OR4K1: variants seen among roughly 807,000 people sequenced by gnomAD.
The protein encoded by OR4K1 is olfactory receptor 4K1.
Under a neutral mutation model 14.4 loss-of-function variants are expected in OR4K1, and 16 were observed. The ratio of observed to expected loss-of-function variants is 1.11; its 90% CI spans 0.75 to 1.68. The LOEUF (loss-of-function observed/expected upper bound fraction) is 1.68. OR4K1 is among the 40% of genes most tolerant of loss of function. The pLI is 0.00. For synonymous variants in OR4K1, 181 were observed against 133.1 expected (o/e 1.36, Z -2.48); for missense variants, 548 against 376.9 (o/e 1.45, Z -3.76).
At position 19,936,224 on chromosome 14, in the gene OR4K1, G is replaced by A; in HGVS notation, c.558G>A (p.Glu186=). The change falls in exon 2 of 2, where the codon GAG becomes GAA. Residue 186 remains glutamate (E), a synonymous_variant. Transcript: ENST00000641172. ...SFFCDLPLVI[E]LACMDTYEME... The stretch of plus-strand genomic sequence containing the variant: ...TTTGTGACCTTCCCTTGGTGATAGA[G>A]CTGGCTTGCATGGATACATATGAAA... 6.2e-7 allele frequency: 1 copy of A among 1,614,258 alleles called. No homozygotes were observed.
upstream of OR4K1, among the ~76,000 whole-genome samples, chr14:19,926,225 C>G (rs1471803640): frequency 4.6e-5 from 7 of 152,130 alleles, no homozygotes; most frequent in Admixed American, 4.6e-4. Flanking sequence ...TGTAGAAAAC[C>G]TCTCGTCTTT....
chr14:19,929,904 T>C (rs1177720253), upstream of OR4K1, among the ~76,000 whole-genome samples: 3 of 152,262 alleles, frequency 2.0e-5, no homozygotes, highest in Non-Finnish European at 4.4e-5. Flanking sequence ...GGCTTTATGC[T>C]TTTGAATTTT....
chr14:19,932,482 G>C (rs910978111), intron 1 of OR4K1, among the ~76,000 whole-genome samples: 2 of 152,082 alleles, frequency 1.3e-5, no homozygotes, highest in Non-Finnish European at 2.9e-5. Flanking sequence ...AAGTGACATC[G>C]CCATTTCACA....
chr14:19,923,577 GA>G, the OR4K1 span, among the ~76,000 whole-genome samples: 1 of 148,436 alleles, frequency 6.7e-6, no homozygotes, highest in Non-Finnish European at 1.5e-5. Flanking sequence ...TGTTGAAAAA[GA>G]AAAAATATGT....
the OR4K1 span, among the ~76,000 whole-genome samples, chr14:19,922,076 C>T: frequency 2.3e-5 from 3 of 130,078 alleles, no homozygotes; most frequent in Non-Finnish European, 1.8e-5. Flanking sequence ...GACTCCCCCC[C>T]CCAAAAATCA....
the OR4K1 span, among the ~76,000 whole-genome samples, chr14:19,922,075 C>CCT: frequency 7.7e-6 from 1 of 129,704 alleles, no homozygotes; most frequent in African/African-American, 2.7e-5. Context: ...AGACTCCCCC[C>CCT]CCCAAAAATC....
the OR4K1 span, among the ~76,000 whole-genome samples, chr14:19,925,793 A>G: frequency 1.3e-5 from 2 of 152,394 alleles, no homozygotes; most frequent in South Asian, 4.1e-4. Flanking sequence ...CCAACGGGAT[A>G]AAGGATGAAG....
the OR4K1 span, among the ~76,000 whole-genome samples, chr14:19,925,176 T>G: frequency 1.3e-5 from 2 of 152,232 alleles, no homozygotes; most frequent in African/African-American, 4.8e-5. Flanking sequence ...TTTTAGTAAA[T>G]GTGGAAATAA....
chr14:19,921,715 T>C, the OR4K1 span: 1 of 940,372 alleles, frequency 1.1e-6, no homozygotes, highest in Non-Finnish European at 1.5e-6. Context: ...CAAGTCTTTT[T>C]CTAGGTATCA....
At chr14:19,920,995 T>C in the OR4K1 span, 1 of 1,614,202 alleles carries the variant, frequency 6.2e-7, no homozygotes. Context: ...TGCAAACCCT[T>C]ATACTATGTG....
chr14:19,936,146 G>A lies in OR4K1; in HGVS notation c.480G>A (p.Leu160=). 1 of 1,614,232 alleles carries A rather than the reference G, an allele frequency of 6.2e-7. No individual in the cohort carries two copies. The highest frequency in any genetic ancestry group is 1.3e-5 in the African/African-American group (1 of 75,064). Residue 160 remains leucine, a synonymous_variant, in exon 2 of 2, where the codon TTG becomes TTA. Coordinates refer to ENST00000641172, the MANE Select transcript of OR4K1 (RefSeq NM_001004063.3). ...GCGTTCTTCATTCTGTGAGCCACTT[G>A]GCTTTTACAGTGGACCTGCCATTCT... is the stretch of plus-strand genomic sequence containing the variant. ...AVGVLHSVSH[L]AFTVDLPFCG...
chr14:19,929,895 G>A (rs145628375), upstream of OR4K1, among the ~76,000 whole-genome samples: 321 of 152,208 alleles, frequency 2.1e-3, 10 homozygotes, highest in East Asian at 0.047. Flanking sequence ...GCTAAATTAG[G>A]CTTTATGCTT....
the OR4K1 span, among the ~76,000 whole-genome samples, chr14:19,924,304 G>A: frequency 0.062 from 9,271 of 148,716 alleles, 509 homozygotes; most frequent in East Asian, 0.47. Context: ...GGAGGCTGAG[G>A]CAGGAGAATC....
At chr14:19,922,325 G>A in the OR4K1 span, among the ~76,000 whole-genome samples, 3 of 152,236 alleles carry the variant, frequency 2.0e-5, no homozygotes, top group African/African-American at 7.2e-5. Flanking sequence ...CTACAGTGCA[G>A]CTGCCAGTGG....
the OR4K1 span, chr14:19,920,687 T>C: frequency 1.2e-6 from 2 of 1,614,080 alleles, no homozygotes; most frequent in Admixed American, 1.7e-5. Flanking sequence ...AGCTTTTCTA[T>C]TTTTGTTTCT....
chr14:19,922,030 A>T, the OR4K1 span, among the ~76,000 whole-genome samples: 7 of 152,100 alleles, frequency 4.6e-5, no homozygotes, highest in African/African-American at 1.4e-4. Flanking sequence ...ATTTAATATA[A>T]CTGCTTAAGT....
chr14:19,927,301 A>G (rs536321571), upstream of OR4K1, among the ~76,000 whole-genome samples: 2 of 152,362 alleles, frequency 1.3e-5, no homozygotes, highest in East Asian at 3.9e-4. Context: ...CTTCATGGAC[A>G]CTCAGGAGGA....
chr14:19,927,608 T>A (rs1175689929), upstream of OR4K1, among the ~76,000 whole-genome samples: 1 of 152,214 alleles, frequency 6.6e-6, no homozygotes, highest in Non-Finnish European at 1.5e-5. Flanking sequence ...CTCATACCAC[T>A]GCTACAGCTC....
chr14:19,920,595 C>A, the OR4K1 span: 4 of 1,580,818 alleles, frequency 2.5e-6, no homozygotes, highest in Non-Finnish European at 3.4e-6. Context: ...AACAAGTTTG[C>A]AGCTTGGAAC....
Sources: allele counts gnomAD v4.1 joint callset (sites outside exome capture counted in the v4.1 genomes callset), GRCh38; gene constraint gnomAD v4.1.1; transcripts MANE v1.5; gene names NCBI Gene and HGNC (gene_info 2026-07-23, HGNC 2026-07-21).